Variants in ZBTB46 observed in about 807,000 individuals in gnomAD.
ZBTB46 encodes the protein zinc finger and BTB domain-containing protein 46.
ZBTB46 carries 8 observed loss-of-function variants against 44.1 expected under a neutral mutation model. The ratio of observed to expected loss-of-function variants is 0.18; its 90% CI spans 0.11 to 0.33. The LOEUF is 0.33. Ranked by LOEUF, ZBTB46 falls within the 10% of genes least tolerant of loss-of-function variation. ZBTB46 has a pLI of 1.00. For synonymous variants in ZBTB46, 409 were observed against 382.3 expected (o/e 1.07, Z -0.81); for missense variants, 651 against 847.7 (o/e 0.77, Z 2.88).
At chr20:63,831,502 C>G (rs531062274), upstream of ZBTB46, among the ~76,000 whole-genome samples, 1 of 146,682 alleles carries the variant, frequency 6.8e-6, no homozygotes, top group Non-Finnish European at 1.5e-5. Context: ...GGGGTCCGTT[C>G]TCCCCCCCGC....
At chr20:63,786,723 G>T (rs183395906) in intron 2 of ZBTB46, among the ~76,000 whole-genome samples, 3 of 152,086 alleles carry the variant, frequency 2.0e-5, no homozygotes, top group Admixed American at 2.0e-4. Context: ...TGTTGGCCAC[G>T]ATGGTCTCGA....
chr20:63,797,035 C>G (rs1168283166), intron 1 of ZBTB46, among the ~76,000 whole-genome samples: 1 of 152,016 alleles, frequency 6.6e-6, no homozygotes, highest in Non-Finnish European at 1.5e-5. Context: ...ACTTTAAGTT[C>G]TAAGGGTACA....
At chr20:63,782,185 G>C (rs988903694) in intron 2 of ZBTB46, among the ~76,000 whole-genome samples, 4 of 127,962 alleles carry the variant, frequency 3.1e-5, no homozygotes, top group Non-Finnish European at 6.7e-5. Context: ...CTGCAGAGAC[G>C]CCCAGGCTGC....
chr20:63,821,137 C>T (rs1042481100), intron 1 of ZBTB46, among the ~76,000 whole-genome samples: 8 of 151,496 alleles, frequency 5.3e-5, no homozygotes, highest in East Asian at 1.9e-4. Flanking sequence ...ATGATCCGCC[C>T]GCCTCAGCCT....
Position 63,775,786 on chromosome 20 carries a change from C to G in ZBTB46, c.1114G>C (p.Ala372Pro), listed in dbSNP as rs150437727. The stretch of plus-strand genomic sequence containing the variant: ...AGGCTGTTCTTACTCATGAGCGCCG[C>G]GCGCAGGTTGGCCACCGCGGTGGCC... The part of the protein sequence containing the change: ...HQATAVANLR[A>P]ALMSKNSLLS... Residue 372 changes from alanine (A) to proline (P), a missense_variant, in exon 3 of 5, where the codon GCG becomes CCG. Physicochemically the swap from Ala to Pro is conservative, Grantham distance 27. Around this residue, in one of 5 missense-constraint regions of ZBTB46, gnomAD observed 385 missense variants for 423.3 expected, o/e 0.91. Coordinates refer to ENST00000245663, the MANE Select transcript of ZBTB46 (RefSeq NM_001369741.1). 1 of 1,613,358 alleles carries G rather than the reference C, an allele frequency of 6.2e-7. No homozygotes were observed. The highest frequency in any genetic ancestry group is 8.5e-7 in the Non-Finnish European group (1 of 1,179,926).
At chr20:63,811,906 C>T (rs1171964263) in intron 1 of ZBTB46, among the ~76,000 whole-genome samples, 1 of 152,182 alleles carries the variant, frequency 6.6e-6, no homozygotes, top group Non-Finnish European at 1.5e-5. Context: ...GCTCATACAT[C>T]GTTCAGACCA....
At chr20:63,785,060 C>T (rs770016284) in intron 2 of ZBTB46, among the ~76,000 whole-genome samples, 1 of 151,184 alleles carries the variant, frequency 6.6e-6, no homozygotes, top group Non-Finnish European at 1.5e-5. Context: ...GGTGAAACCC[C>T]GTCTCTACTA....
intron 1 of ZBTB46, 69 bp from the exon 2 acceptor site, chr20:63,790,859 G>A: frequency 1.4e-6 from 2 of 1,448,950 alleles, no homozygotes; most frequent in Non-Finnish European, 1.8e-6. Flanking sequence ...CGCCGGGCGG[G>A]GCGCAGGAGG....
chr20:63,747,826 C>T (rs2092119522), intron 4 of ZBTB46, among the ~76,000 whole-genome samples: 1 of 152,156 alleles, frequency 6.6e-6, no homozygotes. Flanking sequence ...CCAAGCACCC[C>T]CACCAGAGGC....
At chr20:63,817,837 G>A (rs1024326478) in intron 1 of ZBTB46, among the ~76,000 whole-genome samples, 2 of 152,204 alleles carry the variant, frequency 1.3e-5, no homozygotes, top group African/African-American at 2.4e-5. Flanking sequence ...AGAGGCACCA[G>A]GGACTGTGGT....
chr20:63,789,152 G>A (rs2092539618), intron 2 of ZBTB46, among the ~76,000 whole-genome samples: 2 of 151,608 alleles, frequency 1.3e-5, no homozygotes, highest in African/African-American at 4.8e-5. Flanking sequence ...AAAGAGAAAA[G>A]AGAGGAAACA....
intron 1 of ZBTB46, among the ~76,000 whole-genome samples, chr20:63,798,262 C>T (rs962216542): frequency 1.2e-4 from 18 of 152,094 alleles, no homozygotes; most frequent in Admixed American, 1.3e-4. Flanking sequence ...GAATCCTTTC[C>T]CCATTCCTTA....
intron 3 of ZBTB46, among the ~76,000 whole-genome samples, chr20:63,771,212 G>A (rs984615417): frequency 2.6e-5 from 4 of 152,202 alleles, no homozygotes; most frequent in African/African-American, 4.8e-5. Flanking sequence ...GACAGGGAGC[G>A]GAGGAGAGAG....
At chr20:63,766,037 A>G (rs1051092589) in intron 3 of ZBTB46, among the ~76,000 whole-genome samples, 3 of 151,884 alleles carry the variant, frequency 2.0e-5, no homozygotes, top group African/African-American at 7.3e-5. Context: ...CAAAAGGCAA[A>G]GCTGTCATGC....
At chr20:63,833,287 T>A (rs532786506), upstream of ZBTB46, among the ~76,000 whole-genome samples, 2 of 152,346 alleles carry the variant, frequency 1.3e-5, no homozygotes, top group African/African-American at 2.4e-5. Flanking sequence ...TAGGGCTGCC[T>A]GTCTTGGTAG....
In ZBTB46 at chr20:63,744,196, A is replaced by T. The variant is rs1477044291; in HGVS notation, c.*2734T>A. The T allele has an allele frequency of 2.6e-5, 4 of 152,210 alleles. No individual in the cohort carries two copies. In the East Asian group the frequency reaches 7.7e-4, roughly 29 times the overall value. 9.4% of individuals were successfully genotyped at this position (152,210 alleles called of 1,614,324 possible). A position where few individuals can be genotyped will look rare whatever the true frequency, so the allele number is the denominator to read the frequency against. ...GAGCTAAAATAAGATTACTTCTTTT[A>T]TAATATTGCAAAAAGTTCCAGTTTT... is the stretch of plus-strand genomic sequence containing the variant. On this transcript the variant is annotated 3_prime_UTR_variant, in exon 5 of 5. Transcript: ENST00000245663.
chr20:63,752,884 G>A lies in ZBTB46; in HGVS notation c.1223-23C>T. 1.3e-6 allele frequency: 2 copies of A among 1,580,010 alleles called. No individual in the cohort carries two copies. The highest frequency in any genetic ancestry group is 1.7e-6 in the Non-Finnish European group (2 of 1,157,680). On this transcript the variant is annotated intron_variant, in intron 3 of 4. Coordinates refer to ENST00000245663, the MANE Select transcript of ZBTB46 (RefSeq NM_001369741.1). This position sits in a 1 kb window ranked among gnomAD's most constrained non-coding sequence, Gnocchi z 5.6. ...TCACTGAAAGAGAGGGACCCGCGAG[G>A]CGTCAGCAGGGCTTGGGATGTACCG...
chr20:63,777,490 G>C (rs2092435466), intron 2 of ZBTB46, among the ~76,000 whole-genome samples: 1 of 152,118 alleles, frequency 6.6e-6, no homozygotes, highest in Non-Finnish European at 1.5e-5. Flanking sequence ...AAAAAGATCA[G>C]ATAATATTGG....
chr20:63,823,223 GCTCA>G (rs1231065022), intron 1 of ZBTB46, among the ~76,000 whole-genome samples: 5 of 151,830 alleles, frequency 3.3e-5, no homozygotes, highest in Admixed American at 6.6e-5. Flanking sequence ...AGGCACAGTG[GCTCA>G]CTGTCATCCC....
Sources: allele counts gnomAD v4.1 joint callset (sites outside exome capture counted in the v4.1 genomes callset), GRCh38; gene constraint gnomAD v4.1.1; regional missense constraint gnomAD v4.1.1; non-coding constraint Gnocchi (gnomAD v3.1); transcripts MANE v1.5; gene names NCBI Gene and HGNC (gene_info 2026-07-23, HGNC 2026-07-21).